ITIH5: variants seen among roughly 807,000 people sequenced by gnomAD.
The protein encoded by ITIH5 is inter-alpha-trypsin inhibitor heavy chain H5.
In ITIH5, 65 loss-of-function variants were observed where a neutral mutation model predicts 77.5. The ratio of observed to expected loss-of-function variants is 0.84; its 90% CI spans 0.69 to 1.03. ITIH5 has a LOEUF of 1.03. Among genes scored for constraint, ITIH5 ranks in the 50% least tolerant of loss-of-function variants. The pLI is 0.00. For synonymous variants in ITIH5, 525 were observed against 494.3 expected (o/e 1.06, Z -0.82); for missense variants, 1,208 against 1,213.1 (o/e 1.00, Z 0.06).
rs1169642299 is a variant in ITIH5, at chr10:7,560,034, TAG to T, written c.*3047_*3048del. The T allele has an allele frequency of 1.4e-5, 5 of 346,434 alleles. No individual in the cohort carries two copies. The highest frequency in any genetic ancestry group is 2.8e-5 in the Non-Finnish European group (5 of 178,244). 21.5% of individuals were successfully genotyped at this position (346,434 alleles called of 1,614,324 possible). On this transcript the variant is annotated 3_prime_UTR_variant, in exon 14 of 14. Coordinates refer to ENST00000397146, the MANE Select transcript of ITIH5 (RefSeq NM_030569.7). Reference sequence around the variant, plus strand: ...GCCCAGCTAATTTTTGTATTTTTAGTAGAGACGAGGTTTCACCATGTTGGCCA... The same window carrying T: ...GCCCAGCTAATTTTTGTATTTTTAGTAGACGAGGTTTCACCATGTTGGCCA...
At chr10:7,654,022 T>C (rs569190398) in intron 2 of ITIH5, among the ~76,000 whole-genome samples, 28 of 152,254 alleles carry the variant, frequency 1.8e-4, no homozygotes, top group African/African-American at 6.5e-4. Flanking sequence ...CCAAGTGTGG[T>C]GGTGCATGCC....
At position 7,573,185 on chromosome 10, in the gene ITIH5, G is replaced by C. The variant is rs200798790; in HGVS notation, c.1989C>G (p.Leu663=). Residue 663 remains leucine, a synonymous_variant, in exon 11 of 14, where the codon CTC becomes CTG. Transcript: ENST00000397146. The stretch of plus-strand genomic sequence containing the variant: ...TAATTCTTGGCTGGTATGGCTTCTT[G>C]AGCAAAGGTCCTAAAAGGGAGAAGG... ...RGAGTQPGPL[L]KKPYQPRIKI... is the part of the protein sequence containing the mutation. 4 of 1,613,100 alleles carry C rather than the reference G, an allele frequency of 2.5e-6. No individual in the cohort carries two copies. The highest frequency in any genetic ancestry group is 1.1e-5 in the South Asian group (1 of 91,054).
chr10:7,659,625 T>C (rs1834244062), intron 1 of ITIH5, among the ~76,000 whole-genome samples: 1 of 152,158 alleles, frequency 6.6e-6, no homozygotes, highest in South Asian at 2.1e-4. Context: ...TGATCTAAAG[T>C]ATTTTCTTTG....
intron 7 of ITIH5, among the ~76,000 whole-genome samples, chr10:7,594,908 G>A (rs1424749645): frequency 6.6e-6 from 1 of 152,192 alleles, no homozygotes; most frequent in Non-Finnish European, 1.5e-5. Context: ...AGGAAAACAG[G>A]GTTCTTACAG....
chr10:7,561,669 G>T lies in ITIH5; in HGVS notation c.*1414C>A, dbSNP rs1832042473. On this transcript the variant is annotated 3_prime_UTR_variant, in exon 14 of 14. Transcript: ENST00000397146. ...AGGAACACGTGGATGTCATTTTACT[G>T]CCTGAATGTTTCCCCAGGGAAGGCA... 2 of 152,346 alleles carry T rather than the reference G, an allele frequency of 1.3e-5. No individual in the cohort carries two copies. Among genetic ancestry groups the T allele is most frequent in the South Asian group, 4.1e-4 (2 of 4,822 alleles). The allele number at this position is 152,346 out of a possible 1,614,324, so 9.4% of individuals were successfully genotyped here.
chr10:7,615,698 G>C (rs1024131768), intron 7 of ITIH5, among the ~76,000 whole-genome samples: 12 of 152,260 alleles, frequency 7.9e-5, no homozygotes, highest in African/African-American at 2.6e-4. Context: ...CTGAGGACTG[G>C]CCCTGTCGAT....
At chr10:7,582,849 T>TG (rs1173396870) in intron 8 of ITIH5, among the ~76,000 whole-genome samples, 2 of 151,894 alleles carry the variant, frequency 1.3e-5, no homozygotes, top group East Asian at 3.9e-4. Context: ...GGCAGGGTAG[T>TG]GGGGGGTGGG....
intron 7 of ITIH5, among the ~76,000 whole-genome samples, chr10:7,608,614 A>G (rs1564257910): frequency 6.6e-6 from 1 of 152,160 alleles, no homozygotes; most frequent in South Asian, 2.1e-4. Flanking sequence ...TGGCAGACCC[A>G]CATAGTCTGA....
At chr10:7,612,836 T>C (rs2131028748) in intron 7 of ITIH5, among the ~76,000 whole-genome samples, 1 of 152,296 alleles carries the variant, frequency 6.6e-6, no homozygotes, top group South Asian at 2.1e-4. Flanking sequence ...ATTAACACGG[T>C]ATTCTGTGAT....
At chr10:7,610,814 G>A (rs1199679401) in intron 7 of ITIH5, among the ~76,000 whole-genome samples, 1 of 152,206 alleles carries the variant, frequency 6.6e-6, no homozygotes, top group Admixed American at 6.5e-5. Context: ...GTGTTTGGCT[G>A]GTCTAGGGTG....
Position 7,617,291 on chromosome 10 carries a change from A to G in ITIH5, c.653-9T>C, listed in dbSNP as rs1833388131. The G allele has an allele frequency of 6.7e-7, 1 of 1,502,714 alleles. No homozygotes were observed. Among genetic ancestry groups the G allele is most frequent in the Non-Finnish European group, 8.9e-7 (1 of 1,124,268 alleles). 93.1% of individuals were successfully genotyped at this position (1,502,714 alleles called of 1,614,324 possible). On this transcript the variant is annotated splice_polypyrimidine_tract_variant and intron_variant, in intron 5 of 13. Coordinates refer to ENST00000397146, the MANE Select transcript of ITIH5 (RefSeq NM_030569.7). Reference sequence around the variant, plus strand: ...GGGAGGCCCAGAATCATCTGCAAACAAGATAGAAACATAATTAATAACTTA... The same window carrying G: ...GGGAGGCCCAGAATCATCTGCAAACGAGATAGAAACATAATTAATAACTTA...
At chr10:7,604,591 G>C (rs7095305) in intron 7 of ITIH5, among the ~76,000 whole-genome samples, 43 of 152,326 alleles carry the variant, frequency 2.8e-4, no homozygotes, top group African/African-American at 1.0e-3. Flanking sequence ...CAAGTTATCT[G>C]GTCCAAAACA....
In ITIH5 at chr10:7,629,283, GT is replaced by G. The variant is rs1170230171; in HGVS notation, c.652+7944del. ...AGCGTGTGTCCATGTTGTAGCGTGTGTCCCTGTTGTAGCGTGTGTCCATGTT... is the reference window on the plus strand; with the variant it reads ...AGCGTGTGTCCATGTTGTAGCGTGTGCCCTGTTGTAGCGTGTGTCCATGTT... On this transcript the variant is annotated intron_variant, in intron 5 of 13. Coordinates refer to ENST00000397146, the MANE Select transcript of ITIH5 (RefSeq NM_030569.7). Among the ~76,000 whole-genome samples, 15 of 110,714 alleles carry G rather than the reference GT, an allele frequency of 1.4e-4. 2 individuals are homozygous for G. Among genetic ancestry groups the G allele is most frequent in the African/African-American group, 5.1e-4 (14 of 27,334 alleles). The allele number at this position is 110,714 out of a possible 152,430, so 72.6% of individuals were successfully genotyped here.
chr10:7,565,931 A>T (rs1832144829), intron 13 of ITIH5, 99 bp downstream of exon 13: 3 of 1,481,748 alleles, frequency 2.0e-6, no homozygotes. Context: ...ATTCCTATTG[A>T]ATTTCTCAAT....
chr10:7,565,749 A>T (rs1259619384), intron 13 of ITIH5, among the ~76,000 whole-genome samples: 1 of 148,844 alleles, frequency 6.7e-6, no homozygotes, highest in Admixed American at 6.8e-5. Context: ...ATATACACAT[A>T]TGCAGTCTGC....
At chr10:7,656,503 A>G (rs1281240273) in intron 1 of ITIH5, among the ~76,000 whole-genome samples, 1 of 152,176 alleles carries the variant, frequency 6.6e-6, no homozygotes, top group East Asian at 1.9e-4. Context: ...GGCGTGAGCC[A>G]CTGTGCCCAG....
At chr10:7,629,358 C>CGTGTTGTGG (rs1385278865) in intron 5 of ITIH5, among the ~76,000 whole-genome samples, 111 of 133,712 alleles carry the variant, frequency 8.3e-4, no homozygotes, top group African/African-American at 3.3e-3. Flanking sequence ...AGCGTGTGTC[C>CGTGTTGTGG]CTGTTGTAGC....
chr10:7,604,753 C>T (rs902170273), intron 7 of ITIH5, among the ~76,000 whole-genome samples: 2 of 152,152 alleles, frequency 1.3e-5, no homozygotes, highest in African/African-American at 2.4e-5. Context: ...TTAATCTTTC[C>T]CTATCTCAAG....
chr10:7,614,054 C>T (rs1008588499), intron 7 of ITIH5, among the ~76,000 whole-genome samples: 3 of 152,146 alleles, frequency 2.0e-5, no homozygotes, highest in Non-Finnish European at 4.4e-5. Flanking sequence ...GTTCATCATT[C>T]GATGACTGCC....
Sources: gnomAD v4.1 joint callset for allele counts (sites outside exome capture counted in the v4.1 genomes callset) on GRCh38, gnomAD v4.1.1 for gene constraint, MANE v1.5 for transcripts, NCBI Gene and HGNC (gene_info 2026-07-23, HGNC 2026-07-21) for gene names.